Variants in VWA8 observed in about 807,000 individuals in gnomAD.
The protein encoded by VWA8 is von Willebrand factor A domain containing 8.
In VWA8, 221 loss-of-function variants were observed where a neutral mutation model predicts 241.5. That is an observed-to-expected ratio of 0.91 (90% CI 0.82 to 1.02). The LOEUF is 1.02. Ranked by LOEUF, VWA8 falls within the 50% of genes least tolerant of loss-of-function variation. The pLI, the probability that VWA8 is intolerant of heterozygous loss-of-function variation, is 0.00. For missense variants in VWA8, 2,322 were observed against 2,328.7 expected (o/e 1.00, Z 0.06); for synonymous variants, 852 against 827.1 (o/e 1.03, Z -0.52).
intron 21 of VWA8, among the ~76,000 whole-genome samples, chr13:41,747,454 C>G (rs1314699991): frequency 2.0e-5 from 3 of 152,112 alleles, no homozygotes; most frequent in African/African-American, 7.2e-5. Context: ...ATTTTGTATC[C>G]TGAGACTTTG....
At chr13:41,887,611 G>A (rs1331484752) in intron 5 of VWA8, among the ~76,000 whole-genome samples, 1 of 152,164 alleles carries the variant, frequency 6.6e-6, no homozygotes, top group African/African-American at 2.4e-5. Flanking sequence ...GGAGACTTGG[G>A]TCAGATCTCC....
chr13:41,953,425 A>G (rs1371275241), intron 1 of VWA8, among the ~76,000 whole-genome samples: 3 of 152,238 alleles, frequency 2.0e-5, no homozygotes, highest in Non-Finnish European at 4.4e-5. Flanking sequence ...TTGGTTCCTC[A>G]TGATCAGAAT....
At chr13:41,897,746 A>G (rs948654864) in intron 4 of VWA8, among the ~76,000 whole-genome samples, 2 of 152,096 alleles carry the variant, frequency 1.3e-5, no homozygotes, top group Non-Finnish European at 2.9e-5. Flanking sequence ...TGAGTGTTAC[A>G]GCTCATAAAA....
intron 17 of VWA8, among the ~76,000 whole-genome samples, chr13:41,791,163 G>C (rs910209055): frequency 4.6e-5 from 7 of 151,394 alleles, no homozygotes; most frequent in Non-Finnish European, 8.9e-5. Context: ...AATAATTTTG[G>C]GTTCCTTCCT....
chr13:41,784,741 T>TATATATATATATATACACACAC (rs1869098472), intron 18 of VWA8, among the ~76,000 whole-genome samples: 2 of 67,446 alleles, frequency 3.0e-5, no homozygotes, highest in Non-Finnish European at 6.0e-5. Context: ...CACACACATA[T>TATATATATATATATACACACAC]ATATATATAT....
intron 17 of VWA8, among the ~76,000 whole-genome samples, chr13:41,793,848 T>C (rs1226815770): frequency 6.6e-6 from 1 of 152,140 alleles, no homozygotes. Context: ...AAAAGAATAT[T>C]TGCTGCATGT....
chr13:41,629,371 A>G (rs1050281963), intron 37 of VWA8, among the ~76,000 whole-genome samples: 6 of 152,194 alleles, frequency 3.9e-5, no homozygotes, highest in Non-Finnish European at 8.8e-5. Flanking sequence ...GAGCTATAAC[A>G]TTGTATTGTG....
At chr13:41,628,084 C>A (rs966140763) in intron 37 of VWA8, among the ~76,000 whole-genome samples, 3 of 152,152 alleles carry the variant, frequency 2.0e-5, no homozygotes, top group Non-Finnish European at 4.4e-5. Flanking sequence ...TTTAAACTCA[C>A]AAAATCTCTG....
chr13:41,839,678 G>A (rs187650444), intron 12 of VWA8, among the ~76,000 whole-genome samples: 91 of 152,204 alleles, frequency 6.0e-4, no homozygotes, highest in Middle Eastern at 3.4e-3. Context: ...GTTTTTGTCA[G>A]GTTTGTCAAA....
At chr13:41,891,702 A>G (rs907162611) in intron 4 of VWA8, 115 bp from the exon 5 acceptor site, 36 of 1,129,454 alleles carry the variant, frequency 3.2e-5, no homozygotes, top group Non-Finnish European at 4.5e-5. Context: ...CCAGAAATCA[A>G]TAAAGCTGAG....
At chr13:41,593,472 A>G (rs1273097533) in intron 40 of VWA8, among the ~76,000 whole-genome samples, 2 of 152,184 alleles carry the variant, frequency 1.3e-5, no homozygotes, top group Non-Finnish European at 2.9e-5. Context: ...TGCACAGTCT[A>G]CTAGAATCTC....
intron 44 of VWA8, among the ~76,000 whole-genome samples, chr13:41,569,227 G>A (rs1319809528): frequency 6.6e-6 from 1 of 152,152 alleles, no homozygotes; most frequent in Admixed American, 6.5e-5. Context: ...AAACCACAAG[G>A]GTATTATTGT....
intron 42 of VWA8, among the ~76,000 whole-genome samples, chr13:41,582,761 A>T (rs2044391603): frequency 6.6e-6 from 1 of 152,224 alleles, no homozygotes; most frequent in African/African-American, 2.4e-5. Flanking sequence ...AATGCATGGT[A>T]CACAGCCACT....
intron 3 of VWA8, among the ~76,000 whole-genome samples, chr13:41,911,816 G>T (rs918630044): frequency 1.3e-5 from 2 of 152,122 alleles, no homozygotes; most frequent in Admixed American, 6.5e-5. Flanking sequence ...GGACTTTCTA[G>T]TTACAGTAAA....
intron 43 of VWA8, among the ~76,000 whole-genome samples, chr13:41,572,963 G>C (rs1055478366): frequency 4.0e-5 from 6 of 150,888 alleles, no homozygotes; most frequent in Non-Finnish European, 8.9e-5. Flanking sequence ...CAAAAAATTA[G>C]CTGGGTATGG....
Position 41,886,164 on chromosome 13 carries a change from G to T in VWA8, c.867-136C>A. 3.2e-6 allele frequency: 2 copies of T among 623,096 alleles called. 1 individual carries two copies. The highest frequency in any genetic ancestry group is 7.1e-5 in the Admixed American group (2 of 28,160). 38.6% of individuals were successfully genotyped at this position (623,096 alleles called of 1,614,324 possible). A position where few individuals can be genotyped will look rare whatever the true frequency, so the allele number is the denominator to read the frequency against. ...TTAATTCTTAAGGAACAATGGTTCCGCATCATAATATCCTACTTAAAACTC... is the reference window on the plus strand; with the variant it reads ...TTAATTCTTAAGGAACAATGGTTCCTCATCATAATATCCTACTTAAAACTC... On this transcript the variant is annotated intron_variant, in intron 7 of 44. Coordinates refer to ENST00000379310, the MANE Select transcript of VWA8 (RefSeq NM_015058.2).
chr13:41,878,082 T>C (rs1873987389), intron 9 of VWA8, among the ~76,000 whole-genome samples: 1 of 152,106 alleles, frequency 6.6e-6, no homozygotes, highest in Non-Finnish European at 1.5e-5. Context: ...ATTTCTAATT[T>C]GAATGCAACT....
At chr13:41,772,457 C>A (rs1440212650) in intron 20 of VWA8, among the ~76,000 whole-genome samples, 3 of 74,280 alleles carry the variant, frequency 4.0e-5, no homozygotes, top group African/African-American at 9.2e-5. Context: ...CAAAACAAAA[C>A]AAACAAACAA....
At chr13:41,784,956 C>T (rs1391690461) in intron 18 of VWA8, among the ~76,000 whole-genome samples, 1 of 150,650 alleles carries the variant, frequency 6.6e-6, no homozygotes, top group Admixed American at 6.6e-5. Flanking sequence ...ATAGGTTGAC[C>T]TAGAATACAT....
Sources: gnomAD v4.1 joint callset for allele counts (sites outside exome capture counted in the v4.1 genomes callset) on GRCh38, gnomAD v4.1.1 for gene constraint, MANE v1.5 for transcripts, NCBI Gene and HGNC (gene_info 2026-07-23, HGNC 2026-07-21) for gene names.